Variants in TRHDE observed in about 807,000 individuals in gnomAD.
TRHDE encodes the protein thyrotropin-releasing hormone-degrading ectoenzyme.
Under a neutral mutation model 125.7 loss-of-function variants are expected in TRHDE, and 72 were observed. The observed-to-expected ratio is 0.57, with a 90% CI of 0.47 to 0.70. The LOEUF is 0.70. Among genes scored for constraint, TRHDE ranks in the 30% least tolerant of loss-of-function variants. TRHDE has a pLI of 0.00. For synonymous variants in TRHDE, 509 were observed against 509.1 expected (o/e 1.00, Z 0.00); for missense variants, 1,110 against 1,327.1 (o/e 0.84, Z 2.54).
intron 6 of TRHDE, among the ~76,000 whole-genome samples, chr12:72,530,278 CAA>C (rs1868476322): frequency 1.3e-5 from 2 of 152,044 alleles, no homozygotes; most frequent in Admixed American, 6.6e-5. Context: ...ATCATTTACT[CAA>C]ACTTTTCTTG....
At chr12:72,517,041 T>C (rs961903199) in intron 6 of TRHDE, among the ~76,000 whole-genome samples, 1 of 152,072 alleles carries the variant, frequency 6.6e-6, no homozygotes, top group Non-Finnish European at 1.5e-5. Flanking sequence ...CTGGATTCAG[T>C]TTGCCAGTAT....
intron 12 of TRHDE, among the ~76,000 whole-genome samples, chr12:72,614,326 A>AT (rs201058717): frequency 0.017 from 694 of 41,672 alleles, 5 homozygotes; most frequent in South Asian, 0.049. Flanking sequence ...ATATATATAT[A>AT]TATATTTTTT....
intron 2 of TRHDE, among the ~76,000 whole-genome samples, chr12:72,307,501 G>C (rs1868362924): frequency 6.6e-6 from 1 of 152,048 alleles, no homozygotes; most frequent in Non-Finnish European, 1.5e-5. Context: ...CTCTTTGGCT[G>C]CATTGTGGCT....
intron 3 of TRHDE, among the ~76,000 whole-genome samples, chr12:72,406,904 G>C (rs932177828): frequency 6.6e-6 from 1 of 152,156 alleles, no homozygotes; most frequent in African/African-American, 2.4e-5. Context: ...TGATATCAAA[G>C]TGTACAGAAT....
chr12:72,108,448 A>C (rs1193988938), intron 2 of TRHDE, among the ~76,000 whole-genome samples: 1 of 152,120 alleles, frequency 6.6e-6, no homozygotes, highest in Non-Finnish European at 1.5e-5. Context: ...ACACTGATAC[A>C]TATATTTTTT....
chr12:72,444,349 T>G (rs12372580), intron 3 of TRHDE, among the ~76,000 whole-genome samples: 7,568 of 151,982 alleles, frequency 0.05, 281 homozygotes, highest in Middle Eastern at 0.11. Flanking sequence ...ATCTGTGTCC[T>G]TTAGGGTGCT....
In TRHDE at chr12:72,135,862, A is replaced by AT. The variant is rs544076259; in HGVS notation, n.279+30121dup. Among the ~76,000 whole-genome samples, 560 of 147,384 alleles carry AT rather than the reference A, an allele frequency of 3.8e-3. 2 individuals are homozygous for AT. Among genetic ancestry groups the AT allele is most frequent in the East Asian group, 0.019 (97 of 5,052 alleles). ...GCCCCTGTGGCATTTATTCTCTATG[A>AT]TTTTTTTTTTTGTGATCAGTACTGA... On this transcript the variant is annotated intron_variant and non_coding_transcript_variant, in intron 2 of 4. Coordinates refer to the TRHDE transcript ENST00000548156.
At chr12:72,374,361 T>G (rs1871777732) in intron 2 of TRHDE, among the ~76,000 whole-genome samples, 1 of 150,634 alleles carries the variant, frequency 6.6e-6, no homozygotes, top group South Asian at 2.1e-4. Flanking sequence ...TTAGACCTGT[T>G]AAGTTTGAGA....
intron 2 of TRHDE, chr12:72,264,239 C>T (rs1041603696): frequency 6.6e-6 from 1 of 151,884 alleles, no homozygotes; most frequent in African/African-American, 2.4e-5. Context: ...TTCCTTATTC[C>T]CTTGTAACTG....
intron 12 of TRHDE, among the ~76,000 whole-genome samples, chr12:72,615,828 C>T (rs1434939598): frequency 6.6e-6 from 1 of 152,056 alleles, no homozygotes; most frequent in Non-Finnish European, 1.5e-5. Flanking sequence ...TTGACATGGT[C>T]ATGCAGTCAT....
At chr12:72,166,819 A>C (rs1356612082) in intron 2 of TRHDE, among the ~76,000 whole-genome samples, 1 of 152,106 alleles carries the variant, frequency 6.6e-6, no homozygotes, top group Non-Finnish European at 1.5e-5. Flanking sequence ...AAGACAGAGG[A>C]GAAGGAAATC....
chr12:72,638,448 CTCTT>C (rs1873868189), intron 15 of TRHDE, among the ~76,000 whole-genome samples: 1 of 151,710 alleles, frequency 6.6e-6, no homozygotes, highest in Admixed American at 6.6e-5. Context: ...TGGGTCTTGA[CTCTT>C]TATCCAATTT....
At chr12:72,367,615 C>G (rs1486828159) in intron 2 of TRHDE, among the ~76,000 whole-genome samples, 3 of 152,114 alleles carry the variant, frequency 2.0e-5, no homozygotes, top group Non-Finnish European at 4.4e-5. Flanking sequence ...TTACAACATC[C>G]TTTCCTCTTT....
At chr12:72,201,007 G>A (rs1877548933) in intron 2 of TRHDE, among the ~76,000 whole-genome samples, 1 of 152,178 alleles carries the variant, frequency 6.6e-6, no homozygotes, top group African/African-American at 2.4e-5. Flanking sequence ...AGAGGTAGCA[G>A]CAGGTAAAAA....
At chr12:72,608,678 G>T (rs1045779186) in intron 12 of TRHDE, among the ~76,000 whole-genome samples, 4 of 152,144 alleles carry the variant, frequency 2.6e-5, no homozygotes, top group African/African-American at 9.7e-5. Flanking sequence ...TTTAATGTCA[G>T]CCATGAACCA....
In TRHDE at chr12:72,408,919, T is replaced by A. The variant is rs550319013; in HGVS notation, c.1315+30798T>A. On this transcript the variant is annotated intron_variant, in intron 3 of 18. Coordinates refer to ENST00000261180, the MANE Select transcript of TRHDE (RefSeq NM_013381.3). ...AGTCTAATATATGAATTCTCATATA[T>A]GTCTAATCGGAGTTCCAGAAGAGGA... 9.2e-5 allele frequency among the ~76,000 whole-genome samples: 14 copies of A among 152,306 alleles called. No individual in the cohort carries two copies. In the South Asian group the frequency reaches 2.9e-3, roughly 32 times the overall value.
At chr12:72,236,015 T>C (rs1459057432) in intron 2 of TRHDE, among the ~76,000 whole-genome samples, 5 of 152,202 alleles carry the variant, frequency 3.3e-5, no homozygotes, top group African/African-American at 1.2e-4. Context: ...CAGACATTTC[T>C]CTCTGGTTTT....
At chr12:72,334,736 G>A (rs567017695) in intron 2 of TRHDE, among the ~76,000 whole-genome samples, 8 of 152,272 alleles carry the variant, frequency 5.3e-5, no homozygotes, top group East Asian at 1.9e-4. Context: ...TTAGTAGGCC[G>A]AAGTTCATCA....
chr12:72,413,991 G>C (rs1019417924), intron 3 of TRHDE, among the ~76,000 whole-genome samples: 2 of 152,050 alleles, frequency 1.3e-5, no homozygotes, highest in African/African-American at 4.8e-5. Context: ...CTTTTAAAGA[G>C]TAAATCTTTT....
Sources: allele counts gnomAD v4.1 joint callset (sites outside exome capture counted in the v4.1 genomes callset), GRCh38; gene constraint gnomAD v4.1.1; transcripts MANE v1.5; gene names NCBI Gene and HGNC (gene_info 2026-07-23, HGNC 2026-07-21).